The following MGAT4C variants were observed in gnomAD, a reference collection of about 807,000 sequenced individuals.
The protein encoded by MGAT4C is MGAT4 family member C.
A neutral mutation model predicts 40.1 loss-of-function variants in MGAT4C; 19 were observed. The observed-to-expected ratio is 0.47, with a 90% confidence interval of 0.33 to 0.70. MGAT4C has a LOEUF of 0.70. Ranked by LOEUF, MGAT4C falls within the 30% of genes least tolerant of loss-of-function variation. MGAT4C has a pLI of 0.02. For synonymous variants in MGAT4C, 181 were observed against 187.1 expected, an observed-to-expected ratio of 0.97 and a Z score of 0.27; for missense variants, 491 against 563.2, an observed-to-expected ratio of 0.87 and a Z score of 1.30.
chr12:86,238,332 ATATTT>A (rs1276379756), intron 1 of MGAT4C, among the ~76,000 whole-genome samples: 3 of 152,058 alleles, frequency 2.0e-5, no homozygotes, highest in Non-Finnish European at 2.9e-5. Flanking sequence ...GCATGTTACC[ATATTT>A]TATTTTAATC....
intron 3 of MGAT4C, among the ~76,000 whole-genome samples, chr12:86,346,907 G>A (rs1304091966): frequency 1.3e-5 from 2 of 152,150 alleles, no homozygotes; most frequent in South Asian, 2.1e-4. Context: ...TGTGTCTTCC[G>A]GCCTTCATCA....
At chr12:86,603,478 TCTATAGA>T (rs1291295234) in intron 2 of MGAT4C, among the ~76,000 whole-genome samples, 1 of 117,306 alleles carries the variant, frequency 8.5e-6, no homozygotes, top group African/African-American at 3.4e-5. Context: ...CTATATATAG[TCTATAGA>T]CTATATAATA....
intron 3 of MGAT4C, among the ~76,000 whole-genome samples, chr12:85,985,737 G>T (rs942850073): frequency 6.6e-6 from 1 of 152,022 alleles, no homozygotes; most frequent in Non-Finnish European, 1.5e-5. Flanking sequence ...ATTTTCATTG[G>T]TGTTTACCTG....
At chr12:86,003,929 A>T (rs759414591) in intron 2 of MGAT4C, among the ~76,000 whole-genome samples, 5 of 152,150 alleles carry the variant, frequency 3.3e-5, no homozygotes. Flanking sequence ...TTATCAAGAC[A>T]GTTTTCTATG....
intron 2 of MGAT4C, among the ~76,000 whole-genome samples, chr12:86,559,061 C>G (rs1352918902): frequency 6.6e-6 from 1 of 151,432 alleles, no homozygotes. Flanking sequence ...TCAGACAGAA[C>G]AGACTTTAAG....
rs1884436443 is a variant in MGAT4C at position 85,980,364 on chromosome 12, T to G, written c.362A>C (p.Lys121Thr). The G allele has an allele frequency of 6.2e-7, 1 of 1,613,292 alleles. No homozygotes were observed. The highest frequency in any genetic ancestry group is 8.5e-7 in the Non-Finnish European group (1 of 1,179,734). The change falls in exon 5 of 5, where the codon AAG (lysine) becomes ACG (threonine). Residue 121 changes from lysine to threonine, a missense_variant. Coordinates refer to ENST00000611864, the MANE Select transcript of MGAT4C (RefSeq NM_001351288.2). The stretch of plus-strand genomic sequence containing the variant: ...ATAGCTGGATTGCTCAAAAATTGAC[T>G]TAATTGTCTCAAGTAAATAGTTTCC... ...KKGNYLLETI[K>T]SIFEQSSYEE...
intron 1 of MGAT4C, among the ~76,000 whole-genome samples, chr12:86,241,892 C>G (rs1951803746): frequency 6.6e-6 from 1 of 152,130 alleles, no homozygotes; most frequent in Non-Finnish European, 1.5e-5. Context: ...AGCCACTCTT[C>G]CTGAGCCTTG....
intron 2 of MGAT4C, among the ~76,000 whole-genome samples, chr12:86,480,134 T>C (rs559354199): frequency 6.6e-6 from 1 of 151,824 alleles, no homozygotes; most frequent in Non-Finnish European, 1.5e-5. Context: ...ATATTATTTT[T>C]ATTTTCTATA....
chr12:86,442,884 G>T (rs952471132), intron 2 of MGAT4C, among the ~76,000 whole-genome samples: 3 of 151,996 alleles, frequency 2.0e-5, no homozygotes, highest in Non-Finnish European at 2.9e-5. Context: ...TCAGTCAGCA[G>T]CCATCAACAT....
chr12:86,270,778 C>T (rs1464743402), intron 4 of MGAT4C, among the ~76,000 whole-genome samples: 2 of 152,138 alleles, frequency 1.3e-5, no homozygotes, highest in Non-Finnish European at 2.9e-5. Flanking sequence ...CTTCAAAATA[C>T]ATTACAAGGC....
At chr12:86,801,070 T>C (rs1056378997) in intron 1 of MGAT4C, among the ~76,000 whole-genome samples, 1 of 151,946 alleles carries the variant, frequency 6.6e-6, no homozygotes, top group African/African-American at 2.4e-5. Context: ...TTTCTGTTTC[T>C]CATTCACTGA....
At chr12:86,510,252 T>C (rs1452059101) in intron 2 of MGAT4C, among the ~76,000 whole-genome samples, 1 of 152,106 alleles carries the variant, frequency 6.6e-6, no homozygotes, top group African/African-American at 2.4e-5. Flanking sequence ...ACCTAATTTA[T>C]TGAGAGTTTT....
chr12:85,983,912 T>C (rs1884920240), intron 3 of MGAT4C, among the ~76,000 whole-genome samples: 1 of 152,160 alleles, frequency 6.6e-6, no homozygotes, highest in African/African-American at 2.4e-5. Context: ...ACATTTGTTT[T>C]TCTATAGGAC....
chr12:86,490,109 A>C (rs903436131), intron 2 of MGAT4C, among the ~76,000 whole-genome samples: 1 of 151,166 alleles, frequency 6.6e-6, no homozygotes, highest in East Asian at 1.9e-4. Context: ...GCAACTCCAA[A>C]ACACATAATT....
intron 2 of MGAT4C, among the ~76,000 whole-genome samples, chr12:86,488,293 G>A (rs1240920652): frequency 6.6e-6 from 1 of 151,656 alleles, no homozygotes; most frequent in Non-Finnish European, 1.5e-5. Context: ...GGGCATGGTG[G>A]CACATGCCTA....
At chr12:86,250,022 G>T (rs1214201301) in intron 1 of MGAT4C, among the ~76,000 whole-genome samples, 1 of 152,078 alleles carries the variant, frequency 6.6e-6, no homozygotes, top group Non-Finnish European at 1.5e-5. Context: ...GTGGTGCTCT[G>T]TTCACTGCTG....
rs991135735 is a variant in MGAT4C, at chr12:86,298,155, A to G, written c.-57+35910T>C. On this transcript the variant is annotated intron_variant, in intron 4 of 7. Coordinates refer to the MGAT4C transcript ENST00000548651. ...AAAAGCAAAAGTTAAAAAAAAATCA[A>G]TGGGTTTAACTGTATCAAAATAATG... Among the ~76,000 whole-genome samples the G allele has an allele frequency of 3.3e-5, 5 of 152,154 alleles. No homozygotes were observed. The South Asian group carries it at 6.2e-4, about 19-fold the overall frequency.
chr12:86,485,003 G>A (rs1408101670), intron 2 of MGAT4C, among the ~76,000 whole-genome samples: 1 of 151,984 alleles, frequency 6.6e-6, no homozygotes, highest in Non-Finnish European at 1.5e-5. Flanking sequence ...AAAATATTCT[G>A]CCAGTATGTA....
chr12:86,727,869 G>A (rs1462062425), intron 1 of MGAT4C, among the ~76,000 whole-genome samples: 3 of 151,794 alleles, frequency 2.0e-5, no homozygotes, highest in African/African-American at 7.3e-5. Flanking sequence ...TTACACAAAA[G>A]TAGTGATATG....
Sources: gnomAD v4.1 joint callset for allele counts (sites outside exome capture counted in the v4.1 genomes callset) on GRCh38, gnomAD v4.1.1 for gene constraint, MANE v1.5 for transcripts, NCBI Gene and HGNC (gene_info 2026-07-23, HGNC 2026-07-21) for gene names.